FAM135B: variants seen among roughly 807,000 people sequenced by gnomAD.
The protein encoded by FAM135B is protein FAM135B.
FAM135B carries 43 observed loss-of-function variants against 127.7 expected under a neutral mutation model. The observed-to-expected ratio is 0.34, with a 90% confidence interval of 0.26 to 0.43. The LOEUF is 0.43. Ranked by LOEUF, FAM135B falls within the 20% of genes least tolerant of loss-of-function variation. The pLI, the probability that FAM135B is intolerant of heterozygous loss-of-function variation, is 1.00. For synonymous variants in FAM135B, 670 were observed against 665.1 expected (o/e 1.01, Z -0.11); for missense variants, 1,558 against 1,725.6 (o/e 0.90, Z 1.72).
chr8:138,261,867 G>A (rs920602111), intron 4 of FAM135B, among the ~76,000 whole-genome samples: 1 of 152,158 alleles, frequency 6.6e-6, no homozygotes, highest in Non-Finnish European at 1.5e-5. Flanking sequence ...ATGTGCATCC[G>A]TGAACATAAT....
intron 7 of FAM135B, among the ~76,000 whole-genome samples, chr8:138,224,821 C>G (rs1819289475): frequency 6.6e-6 from 1 of 152,038 alleles, no homozygotes; most frequent in Non-Finnish European, 1.5e-5. Context: ...ACAGAATACA[C>G]AAATCCTGCA....
chr8:138,418,671 C>T (rs151012666), intron 1 of FAM135B, among the ~76,000 whole-genome samples: 2 of 152,146 alleles, frequency 1.3e-5, no homozygotes, highest in South Asian at 2.1e-4. Context: ...GAAATTCCAG[C>T]CAAGAATTTT....
Position 138,302,669 on chromosome 8 carries a change from G to A in FAM135B, c.157+8172C>T, listed in dbSNP as rs376853527. Among the ~76,000 whole-genome samples the A allele has an allele frequency of 1.8e-4, 27 of 152,274 alleles. 1 individual carries two copies. The highest frequency in any genetic ancestry group is 6.5e-4 in the African/African-American group (27 of 41,558). On this transcript the variant is annotated intron_variant, in intron 3 of 19. Coordinates refer to ENST00000395297, the MANE Select transcript of FAM135B (RefSeq NM_015912.4). Reference sequence around the variant, plus strand: ...TGTGCCTCACAAAAGAGGGCACCTTGCCAAGGAGGCCCTCCTGAGCCCTGA... The same window carrying A: ...TGTGCCTCACAAAAGAGGGCACCTTACCAAGGAGGCCCTCCTGAGCCCTGA...
intron 1 of FAM135B, among the ~76,000 whole-genome samples, chr8:138,442,060 G>A (rs1835805785): frequency 6.6e-6 from 1 of 151,418 alleles, no homozygotes; most frequent in African/African-American, 2.4e-5. Context: ...GCAGGCAAAC[G>A]ATGTGAAGGA....
intron 2 of FAM135B, among the ~76,000 whole-genome samples, chr8:138,350,014 T>C (rs1829671258): frequency 6.6e-6 from 1 of 152,162 alleles, no homozygotes; most frequent in African/African-American, 2.4e-5. Context: ...CTATCGTTAT[T>C]CTCCATGTTC....
intron 7 of FAM135B, among the ~76,000 whole-genome samples, chr8:138,213,453 G>A (rs1013879164): frequency 6.6e-6 from 1 of 151,718 alleles, no homozygotes; most frequent in Admixed American, 6.6e-5. Flanking sequence ...AACAGATGGA[G>A]GAATGGGAGA....
intron 7 of FAM135B, among the ~76,000 whole-genome samples, chr8:138,211,318 A>T (rs911779241): frequency 6.6e-6 from 1 of 152,208 alleles, no homozygotes; most frequent in Non-Finnish European, 1.5e-5. Flanking sequence ...GATCAACTCT[A>T]TAGGGTTTGT....
At chr8:138,205,683 T>G (rs958648226) in intron 7 of FAM135B, among the ~76,000 whole-genome samples, 2 of 152,162 alleles carry the variant, frequency 1.3e-5, no homozygotes, top group African/African-American at 4.8e-5. Flanking sequence ...TGAGTTGAAC[T>G]GCAAATATTT....
intron 1 of FAM135B, among the ~76,000 whole-genome samples, chr8:138,387,453 C>T (rs973736618): frequency 7.2e-5 from 11 of 152,266 alleles, no homozygotes; most frequent in African/African-American, 2.6e-4. Context: ...CCTCTCCACC[C>T]CACCTTCCTC....
chr8:138,429,061 T>C (rs547049315), intron 1 of FAM135B, among the ~76,000 whole-genome samples: 332 of 152,320 alleles, frequency 2.2e-3, no homozygotes, highest in African/African-American at 6.7e-3. Context: ...CACACTGAAA[T>C]GCAATTTCCA....
chr8:138,190,469 C>G (rs528167355), intron 9 of FAM135B, among the ~76,000 whole-genome samples: 2 of 152,328 alleles, frequency 1.3e-5, no homozygotes, highest in African/African-American at 4.8e-5. Flanking sequence ...AATACCAACA[C>G]AACAGACAGC....
intron 1 of FAM135B, among the ~76,000 whole-genome samples, chr8:138,427,275 A>T (rs965140858): frequency 6.8e-6 from 1 of 146,952 alleles, no homozygotes; most frequent in Non-Finnish European, 1.5e-5. Context: ...CATCAAGATT[A>T]TATATATATA....
intron 2 of FAM135B, among the ~76,000 whole-genome samples, chr8:138,345,258 G>T (rs1563920875): frequency 6.6e-6 from 1 of 152,198 alleles, no homozygotes; most frequent in Non-Finnish European, 1.5e-5. Flanking sequence ...ACAGTGAGGT[G>T]ATTAGCATAA....
At chr8:138,201,475 A>G (rs1425883400) in intron 7 of FAM135B, among the ~76,000 whole-genome samples, 1 of 152,166 alleles carries the variant, frequency 6.6e-6, no homozygotes, top group African/African-American at 2.4e-5. Context: ...TATAAACTAA[A>G]CAAAACAAAA....
chr8:138,486,594 G>A (rs1354162723), intron 1 of FAM135B, among the ~76,000 whole-genome samples: 1 of 152,174 alleles, frequency 6.6e-6, no homozygotes, highest in South Asian at 2.1e-4. Context: ...TGAGTCTACA[G>A]TGACAACAGC....
intron 1 of FAM135B, among the ~76,000 whole-genome samples, chr8:138,481,526 C>G (rs1463995089): frequency 6.6e-6 from 1 of 152,186 alleles, no homozygotes; most frequent in African/African-American, 2.4e-5. Flanking sequence ...GTGAAAGCAC[C>G]GATGGCTGCA....
intron 3 of FAM135B, among the ~76,000 whole-genome samples, chr8:138,282,645 T>G (rs1318733808): frequency 6.6e-6 from 1 of 152,294 alleles, no homozygotes; most frequent in South Asian, 2.1e-4. Context: ...ACACACCTAT[T>G]AGAGTGGCTA....
At chr8:138,287,277 A>G (rs1824762615) in intron 3 of FAM135B, among the ~76,000 whole-genome samples, 1 of 152,154 alleles carries the variant, frequency 6.6e-6, no homozygotes, top group African/African-American at 2.4e-5. Flanking sequence ...AGGGAAGACA[A>G]AAATAGCCAA....
At chr8:138,314,315 C>G (rs1419535056) in intron 2 of FAM135B, among the ~76,000 whole-genome samples, 1 of 152,140 alleles carries the variant, frequency 6.6e-6, no homozygotes, top group Admixed American at 6.5e-5. Context: ...AGTGGTTCAG[C>G]ATTTGTTAAT....
Sources: allele counts gnomAD v4.1 joint callset (sites outside exome capture counted in the v4.1 genomes callset), GRCh38; gene constraint gnomAD v4.1.1; transcripts MANE v1.5; gene names NCBI Gene and HGNC (gene_info 2026-07-23, HGNC 2026-07-21).